The following COPS7B variants were observed in gnomAD, a reference collection of about 807,000 sequenced individuals.
COPS7B encodes the protein COP9 signalosome subunit 7B.
In COPS7B, 9 loss-of-function variants were observed where a neutral mutation model predicts 33.4. The observed-to-expected ratio is 0.27, with a 90% confidence interval of 0.16 to 0.47. COPS7B has a LOEUF of 0.47. Ranked by LOEUF, COPS7B falls within the 20% of genes least tolerant of loss-of-function variation. The probability of loss-of-function intolerance (pLI) is 0.99; values close to 1 mark genes in which losing one functional copy is unlikely to be tolerated. For synonymous variants in COPS7B, 119 were observed against 126.3 expected (o/e 0.94, Z 0.39); for missense variants, 242 against 318.2 (o/e 0.76, Z 1.82).
intron 5 of COPS7B, among the ~76,000 whole-genome samples, chr2:231,798,138 C>T (rs1192736509): frequency 1.3e-5 from 2 of 152,102 alleles, no homozygotes; most frequent in Non-Finnish European, 2.9e-5. Flanking sequence ...CCGCCTGCCT[C>T]GGCCTCCCAA....
upstream of COPS7B, chr2:231,782,014 C>T: frequency 1.3e-6 from 1 of 794,858 alleles, no homozygotes; most frequent in South Asian, 1.7e-5. Context: ...TGCTGTATTC[C>T]TGGTTTGCAC....
upstream of COPS7B, among the ~76,000 whole-genome samples, chr2:231,782,417 A>G (rs912992151): frequency 1.3e-5 from 2 of 152,192 alleles, no homozygotes; most frequent in Non-Finnish European, 2.9e-5. Flanking sequence ...GTGACATTTA[A>G]TGTGATTTCA....
intron 4 of COPS7B, among the ~76,000 whole-genome samples, chr2:231,795,518 A>C (rs2049542513): frequency 6.6e-6 from 1 of 152,170 alleles, no homozygotes; most frequent in African/African-American, 2.4e-5. Flanking sequence ...GGACTTCTCA[A>C]GTGTAGTAAA....
chr2:231,805,031 A>C (rs60485569), intron 6 of COPS7B, among the ~76,000 whole-genome samples: 4,627 of 152,240 alleles, frequency 0.03, 213 homozygotes, highest in African/African-American at 0.1. Context: ...TTTTTCCTCC[A>C]ATGTCATCAA....
chr2:231,798,988 T>C, intron 6 of COPS7B, 24 bp downstream of exon 6: 1 of 1,591,594 alleles, frequency 6.3e-7, no homozygotes, highest in Non-Finnish European at 8.6e-7. Context: ...GGAACATTTG[T>C]TTCTCTCTCC....
Position 231,798,983 on chromosome 2 carries a change from A to G in COPS7B, c.636+19A>G, listed in dbSNP as rs1172069869. The G allele has an allele frequency of 3.8e-6, 6 of 1,599,302 alleles. No individual in the cohort carries two copies. The highest frequency in any genetic ancestry group is 3.3e-5 in the Admixed American group (2 of 59,810). ...AGCAGAGGTAAGGAAGGAAAGGAAC[A>G]TTTGTTTCTCTCTCCAGGCATACCT... On this transcript the variant is annotated intron_variant, in intron 6 of 6. Coordinates refer to ENST00000350033, the MANE Select transcript of COPS7B (RefSeq NM_022730.4).
At chr2:231,788,027 CTT>C (rs780041937) in intron 1 of COPS7B, among the ~76,000 whole-genome samples, 20 of 152,062 alleles carry the variant, frequency 1.3e-4, no homozygotes, top group Admixed American at 3.9e-4. Context: ...AGTGAAATGA[CTT>C]TTACAAAGTG....
At position 231,796,206 on chromosome 2, in the gene COPS7B, G is replaced by A; in HGVS notation, c.428G>A (p.Gly143Asp). ...IEAVYTDIIQ[G>D]KLDQRNQLLE... Reference sequence around the variant, plus strand: ...GCTGTCTACACTGACATCATCCAGGGCAAGCTGGACCAGCGAAACCAGCTG... The same window carrying A: ...GCTGTCTACACTGACATCATCCAGGACAAGCTGGACCAGCGAAACCAGCTG... The change falls in exon 5 of 7, where the codon GGC (glycine) becomes GAC (aspartate). Residue 143 changes from glycine (G) to aspartate (D), a missense_variant. Transcript: ENST00000350033. 1 of 1,614,140 alleles carries A rather than the reference G, an allele frequency of 6.2e-7. No homozygotes were observed. Among genetic ancestry groups the A allele is most frequent in the Non-Finnish European group, 8.5e-7 (1 of 1,179,982 alleles).
At chr2:231,801,156 G>A (rs1417796280) in intron 6 of COPS7B, 2 of 1,550,472 alleles carry the variant, frequency 1.3e-6, no homozygotes, top group South Asian at 2.4e-5. Flanking sequence ...TGTTTTCAGA[G>A]GGAAAAACGT....
Position 231,807,782 on chromosome 2 carries a change from G to T in COPS7B, c.*137G>T. The stretch of plus-strand genomic sequence containing the variant: ...CTCACCAGCGCCTCCCCACCCTGTT[G>T]GTACTGTTCCAGAAAAACTGTTACT... On this transcript the variant is annotated 3_prime_UTR_variant, in exon 7 of 7. Coordinates refer to ENST00000350033, the MANE Select transcript of COPS7B (RefSeq NM_022730.4). 1 of 743,770 alleles carries T rather than the reference G, an allele frequency of 1.3e-6. No homozygotes were observed. The highest frequency in any genetic ancestry group is 2.1e-6 in the Non-Finnish European group (1 of 475,848). 46.1% of individuals were successfully genotyped at this position (743,770 alleles called of 1,614,324 possible).
At position 231,798,835 on chromosome 2, in the gene COPS7B, C is replaced by T. The variant is rs1044169494; in HGVS notation, c.531-24C>T. On this transcript the variant is annotated intron_variant, in intron 5 of 6. Transcript: ENST00000350033. ...AGACTTCCCAGGCCATTCTGCAGCT[C>T]AGGGCTGGTTTTCTCCATTGTAGGT... is the stretch of plus-strand genomic sequence containing the variant. 3.1e-6 allele frequency: 5 copies of T among 1,601,510 alleles called. No individual in the cohort carries two copies. The African/African-American group carries it at 5.4e-5, about 17-fold the overall frequency.
chr2:231,801,807 T>C (rs1348192876), intron 6 of COPS7B, among the ~76,000 whole-genome samples: 2 of 152,000 alleles, frequency 1.3e-5, no homozygotes, highest in African/African-American at 4.8e-5. Context: ...AAATTCACTC[T>C]GTTGCCTAGG....
upstream of COPS7B, chr2:231,781,703 AC>A: frequency 1.3e-6 from 1 of 774,906 alleles, no homozygotes; most frequent in Non-Finnish European, 2.2e-6. Context: ...TTCCTCTGTA[AC>A]TTAGACTCCA....
At chr2:231,798,989 TTCTC>T (rs747332307) in intron 6 of COPS7B, 25 bp downstream of exon 6, 1 of 1,590,170 alleles carries the variant, frequency 6.3e-7, no homozygotes, top group South Asian at 1.1e-5. Context: ...GAACATTTGT[TTCTC>T]TCTCCAGGCA....
chr2:231,798,819 A>G (rs763467259), intron 5 of COPS7B, 40 bp from the exon 6 acceptor site: 1 of 1,551,294 alleles, frequency 6.4e-7, no homozygotes, highest in East Asian at 2.2e-5. Flanking sequence ...GAGACTTCCC[A>G]GGCCATTCTG....
chr2:231,805,762 C>T (rs562162565), intron 6 of COPS7B, among the ~76,000 whole-genome samples: 1 of 152,130 alleles, frequency 6.6e-6, no homozygotes, highest in South Asian at 2.1e-4. Context: ...CCTGCCTCAG[C>T]CACTTGAGTA....
At chr2:231,801,243 A>AAGTC (rs2049737077) in intron 6 of COPS7B, 1 of 1,550,106 alleles carries the variant, frequency 6.5e-7, no homozygotes, top group African/African-American at 1.4e-5. Context: ...CTTCTTAATG[A>AAGTC]AGTCAGCCCT....
At position 231,808,425 on chromosome 2, in the gene COPS7B, C is replaced by T; in HGVS notation, c.*780C>T. On this transcript the variant is annotated 3_prime_UTR_variant, in exon 7 of 7. Coordinates refer to ENST00000350033, the MANE Select transcript of COPS7B (RefSeq NM_022730.4). ...AGCCTTGTTTTCGGTGTGTAGGCCCCAGCTGCCCACTGGAACTGCCGGCTA... is the reference window on the plus strand; with the variant it reads ...AGCCTTGTTTTCGGTGTGTAGGCCCTAGCTGCCCACTGGAACTGCCGGCTA... 1 of 471,536 alleles carries T rather than the reference C, an allele frequency of 2.1e-6. No homozygotes were observed. Among genetic ancestry groups the T allele is most frequent in the South Asian group, 1.5e-5 (1 of 64,560 alleles). The allele number at this position is 471,536 out of a possible 1,614,324, so 29.2% of individuals were successfully genotyped here. A position where few individuals can be genotyped will look rare whatever the true frequency, so the allele number is the denominator to read the frequency against.
intron 1 of COPS7B, among the ~76,000 whole-genome samples, chr2:231,787,265 A>G (rs2049276901): frequency 6.6e-6 from 1 of 152,042 alleles, no homozygotes; most frequent in African/African-American, 2.4e-5. Flanking sequence ...GAGGCGACAT[A>G]CTTGTTTCTC....
Sources: gnomAD v4.1 joint callset for allele counts (sites outside exome capture counted in the v4.1 genomes callset) on GRCh38, gnomAD v4.1.1 for gene constraint, MANE v1.5 for transcripts, NCBI Gene and HGNC (gene_info 2026-07-23, HGNC 2026-07-21) for gene names.